GALNT17: variants seen among roughly 807,000 people sequenced by gnomAD.
GALNT17 encodes UDP-GalNAc:polypeptide N-acetylgalactosaminyltransferase-like 3.
A neutral mutation model predicts 63.7 loss-of-function variants in GALNT17; 29 were observed. The ratio of observed to expected loss-of-function variants is 0.46; its 90% CI spans 0.34 to 0.62. The LOEUF (loss-of-function observed/expected upper bound fraction) is 0.62, where lower values mean the gene tolerates loss of function less well. GALNT17 is among the 20% of genes least tolerant of loss of function. GALNT17 has a pLI of 0.01. For missense variants in GALNT17, 603 were observed against 799.6 expected (o/e 0.75, Z 2.97); for synonymous variants, 305 against 318.3 (o/e 0.96, Z 0.45).
intron 5 of GALNT17, among the ~76,000 whole-genome samples, chr7:71,570,062 T>G (rs895134481): frequency 4.4e-4 from 66 of 151,634 alleles, no homozygotes; most frequent in African/African-American, 1.2e-3. Context: ...TTTTTTTGGT[T>G]GTTTTTTTTT....
chr7:71,221,429 A>C (rs1326413693), intron 1 of GALNT17, among the ~76,000 whole-genome samples: 31 of 104,016 alleles, frequency 3.0e-4, no homozygotes, highest in East Asian at 5.1e-4. Context: ...CTTGTTCCTC[A>C]CCTCCCGGAG....
At chr7:71,307,499 A>G (rs1042267792) in intron 1 of GALNT17, among the ~76,000 whole-genome samples, 1 of 151,790 alleles carries the variant, frequency 6.6e-6, no homozygotes, top group Non-Finnish European at 1.5e-5. Context: ...CGGGCATCTA[A>G]ACGGAAAATT....
chr7:71,419,098 A>G (rs181634301), intron 4 of GALNT17, among the ~76,000 whole-genome samples: 1 of 152,290 alleles, frequency 6.6e-6, no homozygotes, highest in East Asian at 1.9e-4. Flanking sequence ...AAAAAAAGAA[A>G]TATCATTGGA....
At chr7:71,321,869 TC>T (rs1167741765) in intron 1 of GALNT17, among the ~76,000 whole-genome samples, 2 of 41,206 alleles carry the variant, frequency 4.9e-5, no homozygotes, top group African/African-American at 2.4e-4. Flanking sequence ...TTCCTTCCTT[TC>T]CTTCCTTCCT....
chr7:71,347,513 CACCTT>C (rs774590183), intron 2 of GALNT17, among the ~76,000 whole-genome samples: 3 of 152,264 alleles, frequency 2.0e-5, no homozygotes, highest in Non-Finnish European at 4.4e-5. Flanking sequence ...ATCTTTAAAA[CACCTT>C]ACATTAAATG....
intron 9 of GALNT17, among the ~76,000 whole-genome samples, chr7:71,683,720 T>C (rs1490344094): frequency 1.3e-5 from 2 of 152,002 alleles, no homozygotes; most frequent in Non-Finnish European, 2.9e-5. Context: ...AAAAATAGAA[T>C]GTCAAGGCTG....
In GALNT17 at chr7:71,675,747, G is replaced by T. The variant is rs1472375741; in HGVS notation, c.1405-1464G>T. ...CACACCTATAATCCCAGCACTTTGG[G>T]AGGCCAAGGCAGGTGGATCACCTGA... On this transcript the variant is annotated intron_variant, in intron 8 of 10. Transcript: ENST00000333538. 3.9e-5 allele frequency among the ~76,000 whole-genome samples: 6 copies of T among 152,200 alleles called. No individual in the cohort carries two copies. In the East Asian group the frequency reaches 7.7e-4, roughly 20 times the overall value.
At chr7:71,338,982 G>A (rs4719113) in intron 2 of GALNT17, among the ~76,000 whole-genome samples, 99,364 of 152,044 alleles carry the variant, frequency 0.65, 32,882 homozygotes, top group African/African-American at 0.76. Flanking sequence ...AAGCTATTTT[G>A]TGTCCCTGGA....
intron 1 of GALNT17, among the ~76,000 whole-genome samples, chr7:71,302,066 G>A (rs547137700): frequency 1.3e-5 from 2 of 152,160 alleles, no homozygotes; most frequent in African/African-American, 4.8e-5. Context: ...ATGAAGCTGG[G>A]AGCCATTATC....
Position 71,512,088 on chromosome 7 carries a change from C to G in GALNT17, c.963-59197C>G, listed in dbSNP as rs140600962. The stretch of plus-strand genomic sequence containing the variant: ...TGATGTACTGACTCACTGCAACATC[C>G]TCCTCCCAGGTGTAAGCGATTCTCC... On this transcript the variant is annotated intron_variant, in intron 5 of 10. Transcript: ENST00000333538. Among the ~76,000 whole-genome samples the G allele has an allele frequency of 2.2e-3, 332 of 149,094 alleles. 2 individuals are homozygous for G. Among genetic ancestry groups the G allele is most frequent in the African/African-American group, 7.5e-3 (301 of 40,160 alleles).
chr7:71,157,683 G>T (rs992635199), intron 1 of GALNT17, among the ~76,000 whole-genome samples: 3 of 151,638 alleles, frequency 2.0e-5, no homozygotes, highest in African/African-American at 7.3e-5. Flanking sequence ...TTGAGGTAAT[G>T]AATACATATA....
At chr7:71,484,301 A>C (rs185523207) in intron 5 of GALNT17, among the ~76,000 whole-genome samples, 1 of 152,298 alleles carries the variant, frequency 6.6e-6, no homozygotes, top group East Asian at 1.9e-4. Context: ...CAGCCTGGGC[A>C]ACATGGCGAA....
chr7:71,635,101 G>A (rs1790509996), intron 6 of GALNT17, among the ~76,000 whole-genome samples: 1 of 151,644 alleles, frequency 6.6e-6, no homozygotes, highest in African/African-American at 2.4e-5. Context: ...CAGCTACTCA[G>A]GAGGCTGAGG....
intron 1 of GALNT17, among the ~76,000 whole-genome samples, chr7:71,187,216 C>T (rs186769080): frequency 6.6e-6 from 1 of 152,156 alleles, no homozygotes. Flanking sequence ...AACTCCTGAT[C>T]CTTCTGCTTC....
intron 1 of GALNT17, among the ~76,000 whole-genome samples, chr7:71,179,624 G>C (rs538415453): frequency 4.0e-5 from 6 of 151,504 alleles, no homozygotes; most frequent in Non-Finnish European, 8.8e-5. Context: ...GGTGAGCCAA[G>C]GATTTGCATG....
chr7:71,607,202 C>G (rs538631684), intron 6 of GALNT17, among the ~76,000 whole-genome samples: 1 of 151,968 alleles, frequency 6.6e-6, no homozygotes, highest in East Asian at 1.9e-4. Flanking sequence ...AAATTGATAC[C>G]CAAGATAGCG....
chr7:71,661,575 A>G (rs143135277), intron 6 of GALNT17, among the ~76,000 whole-genome samples: 40 of 152,306 alleles, frequency 2.6e-4, no homozygotes, highest in Non-Finnish European at 5.0e-4. Context: ...GTGATGAGCT[A>G]AAGTGCAGAC....
At chr7:71,452,975 G>C (rs891956142) in intron 5 of GALNT17, among the ~76,000 whole-genome samples, 6 of 152,000 alleles carry the variant, frequency 3.9e-5, no homozygotes, top group African/African-American at 1.5e-4. Context: ...ATTCTGTGTT[G>C]CTCTTATTAT....
At chr7:71,217,542 T>G (rs1020958122) in intron 1 of GALNT17, among the ~76,000 whole-genome samples, 5 of 152,130 alleles carry the variant, frequency 3.3e-5, no homozygotes, top group African/African-American at 4.8e-5. Flanking sequence ...CTGGTTTTCT[T>G]TTTTTTGTTG....
Sources: gnomAD v4.1 joint callset for allele counts (sites outside exome capture counted in the v4.1 genomes callset) on GRCh38, gnomAD v4.1.1 for gene constraint, MANE v1.5 for transcripts, NCBI Gene and HGNC (gene_info 2026-07-23, HGNC 2026-07-21) for gene names.